The following ESRRG variants were observed in gnomAD, a reference collection of about 807,000 sequenced individuals.
ESRRG encodes the protein estrogen-related receptor gamma.
Under a neutral mutation model 44.0 loss-of-function variants are expected in ESRRG, and 13 were observed. The ratio of observed to expected loss-of-function variants is 0.30; its 90% CI spans 0.19 to 0.47. The LOEUF (loss-of-function observed/expected upper bound fraction) is 0.47, where lower values mean the gene tolerates loss of function less well. Ranked by LOEUF, ESRRG falls within the 20% of genes least tolerant of loss-of-function variation. ESRRG has a pLI of 1.00. For missense variants in ESRRG, 395 were observed against 580.6 expected (o/e 0.68, Z 3.29); for synonymous variants, 215 against 214.6 (o/e 1.00, Z -0.02).
chr1:216,741,582 T>C (rs1231286377), intron 2 of ESRRG, among the ~76,000 whole-genome samples: 1 of 152,142 alleles, frequency 6.6e-6, no homozygotes, highest in Non-Finnish European at 1.5e-5. Context: ...GTGATTTTAC[T>C]TCTCTTATTA....
At chr1:216,698,410 T>C (rs561720226) in intron 1 of ESRRG, among the ~76,000 whole-genome samples, 1 of 149,464 alleles carries the variant, frequency 6.7e-6, no homozygotes, top group South Asian at 2.1e-4. Context: ...TCCCAGCTAC[T>C]CGGGAAGCTG....
intron 1 of ESRRG, among the ~76,000 whole-genome samples, chr1:217,057,833 T>A (rs906162733): frequency 2.0e-5 from 3 of 152,180 alleles, no homozygotes; most frequent in Non-Finnish European, 4.4e-5. Flanking sequence ...TGTTTGTTTT[T>A]AGCTCCATCG....
intron 1 of ESRRG, among the ~76,000 whole-genome samples, chr1:217,102,392 T>G (rs1224755792): frequency 6.6e-6 from 1 of 152,182 alleles, no homozygotes; most frequent in South Asian, 2.1e-4. Context: ...ATATGTGTTA[T>G]CAATACAACA....
chr1:216,716,257 T>C (rs930634603), intron 1 of ESRRG, among the ~76,000 whole-genome samples: 4 of 152,086 alleles, frequency 2.6e-5, no homozygotes, highest in African/African-American at 9.7e-5. Context: ...ATGAACCTAA[T>C]TTATTTTTTT....
chr1:216,714,489 G>A (rs1238417660), intron 1 of ESRRG: 2 of 518,968 alleles, frequency 3.9e-6, no homozygotes, highest in Non-Finnish European at 5.0e-6. Flanking sequence ...AGCAAAGGAA[G>A]ACAATAGACA....
intron 2 of ESRRG, among the ~76,000 whole-genome samples, chr1:216,739,574 G>C (rs901784777): frequency 1.3e-5 from 2 of 152,136 alleles, no homozygotes; most frequent in East Asian, 3.9e-4. Flanking sequence ...GGAACTGTTA[G>C]TGTAAATTCT....
At chr1:216,516,472 A>G (rs932467427) in intron 6 of ESRRG, among the ~76,000 whole-genome samples, 7 of 152,122 alleles carry the variant, frequency 4.6e-5, no homozygotes, top group Non-Finnish European at 8.8e-5. Flanking sequence ...AATAAAGACC[A>G]ATGTTTAAAA....
rs539972210 is a variant in ESRRG, at chr1:216,581,334, A to G, written c.590-13236T>C. On this transcript the variant is annotated intron_variant, in intron 3 of 6. Coordinates refer to ENST00000408911, the MANE Select transcript of ESRRG (RefSeq NM_001438.4). Reference sequence around the variant, plus strand: ...GATATATATGTATACCTCTGTATATATGTATATACATGCATACTTGTACAT... The same window carrying G: ...GATATATATGTATACCTCTGTATATGTGTATATACATGCATACTTGTACAT... Among the ~76,000 whole-genome samples the G allele has an allele frequency of 9.2e-5, 14 of 152,354 alleles. No homozygotes were observed. The South Asian group carries it at 2.5e-3, about 27-fold the overall frequency.
At chr1:216,646,730 TAGG>T (rs1307778664) in intron 3 of ESRRG, among the ~76,000 whole-genome samples, 1 of 152,122 alleles carries the variant, frequency 6.6e-6, no homozygotes, top group Non-Finnish European at 1.5e-5. Context: ...GATGACAAAA[TAGG>T]AGATTAGAAA....
intron 6 of ESRRG, among the ~76,000 whole-genome samples, chr1:216,517,984 T>A (rs1041105571): frequency 7.2e-5 from 11 of 152,128 alleles, no homozygotes; most frequent in Non-Finnish European, 1.5e-4. Flanking sequence ...GCATCAATAT[T>A]GTAGATGAAC....
chr1:216,517,977 T>A (rs939093197), intron 6 of ESRRG, among the ~76,000 whole-genome samples: 1 of 152,136 alleles, frequency 6.6e-6, no homozygotes, highest in African/African-American at 2.4e-5. Flanking sequence ...GATTCATGCA[T>A]CAATATTGTA....
intron 3 of ESRRG, among the ~76,000 whole-genome samples, chr1:216,576,484 A>G (rs902006061): frequency 6.6e-6 from 1 of 152,036 alleles, no homozygotes; most frequent in African/African-American, 2.4e-5. Flanking sequence ...CTGGACTATT[A>G]AACATGTGAG....
rs188074580 is a variant in ESRRG at position 216,901,259 on chromosome 1, A to C, written c.-14+38323T>G. On this transcript the variant is annotated intron_variant, in intron 2 of 7. Transcript: ENST00000359162. ...TATGTGGTCCCCCAAGTAAAGAATTAGAGAGAATTAATTCCCCCTTCTCAA... is the reference window on the plus strand; with the variant it reads ...TATGTGGTCCCCCAAGTAAAGAATTCGAGAGAATTAATTCCCCCTTCTCAA... Among the ~76,000 whole-genome samples, 11 of 152,314 alleles carry C rather than the reference A, an allele frequency of 7.2e-5. No homozygotes were observed. The East Asian group carries it at 2.1e-3, about 29-fold the overall frequency.
chr1:216,573,916 C>T (rs983305915), intron 3 of ESRRG, among the ~76,000 whole-genome samples: 5 of 151,960 alleles, frequency 3.3e-5, no homozygotes, highest in Non-Finnish European at 7.4e-5. Context: ...ATGATCAGAA[C>T]CTGGGAAATC....
At chr1:216,733,403 G>A (rs1271005313) in intron 2 of ESRRG, among the ~76,000 whole-genome samples, 1 of 152,068 alleles carries the variant, frequency 6.6e-6, no homozygotes, top group East Asian at 1.9e-4. Flanking sequence ...TGTTTTTGTG[G>A]TGAGAGCTTT....
intron 2 of ESRRG, among the ~76,000 whole-genome samples, chr1:216,936,011 T>C (rs1482545387): frequency 1.3e-5 from 2 of 152,074 alleles, no homozygotes; most frequent in African/African-American, 4.8e-5. Flanking sequence ...ATGAGGGGTA[T>C]GGTTGAAAGT....
chr1:216,729,621 G>A (rs781462394), intron 2 of ESRRG, among the ~76,000 whole-genome samples: 1 of 152,162 alleles, frequency 6.6e-6, no homozygotes, highest in Non-Finnish European at 1.5e-5. Context: ...TGTTTTCTGC[G>A]TGGGGATGAG....
chr1:216,580,739 C>A (rs973362341), intron 3 of ESRRG, among the ~76,000 whole-genome samples: 2 of 152,116 alleles, frequency 1.3e-5, no homozygotes, highest in Non-Finnish European at 2.9e-5. Flanking sequence ...TGGAATTGAC[C>A]CACAGATTCA....
At chr1:217,122,861 T>C (rs377705026) in intron 1 of ESRRG, among the ~76,000 whole-genome samples, 102 of 151,792 alleles carry the variant, frequency 6.7e-4, no homozygotes, top group Middle Eastern at 3.4e-3. Flanking sequence ...TTTTTTTTAT[T>C]TTTAGTACAG....
Sources: allele counts gnomAD v4.1 joint callset (sites outside exome capture counted in the v4.1 genomes callset), GRCh38; gene constraint gnomAD v4.1.1; transcripts MANE v1.5; gene names NCBI Gene and HGNC (gene_info 2026-07-23, HGNC 2026-07-21).